Variants in CAND2 observed in about 807,000 individuals in gnomAD.
The protein encoded by CAND2 is cullin associated and neddylation dissociated 2 (putative), also known as cullin-associated NEDD8-dissociated protein 2.
CAND2 carries 62 observed loss-of-function variants against 98.9 expected under a neutral mutation model. That is an observed-to-expected ratio of 0.63 (90% CI 0.51 to 0.77). The LOEUF (loss-of-function observed/expected upper bound fraction) is 0.77. Among genes scored for constraint, CAND2 ranks in the 30% least tolerant of loss-of-function variants. The pLI is 0.00. For missense variants in CAND2, 1,501 were observed against 1,655.2 expected (o/e 0.91, Z 1.62); for synonymous variants, 770 against 731.9 (o/e 1.05, Z -0.84).
chr3:12,809,445 G>A (rs1339502896), intron 4 of CAND2, among the ~76,000 whole-genome samples: 2 of 151,988 alleles, frequency 1.3e-5, no homozygotes, highest in African/African-American at 4.8e-5. Context: ...AATAAGGGAG[G>A]GTAAGGTCAG....
At chr3:12,819,616 A>G (rs73813593) in intron 10 of CAND2, among the ~76,000 whole-genome samples, 2,510 of 152,324 alleles carry the variant, frequency 0.016, 66 homozygotes, top group African/African-American at 0.054. Flanking sequence ...CCAGCCAGGA[A>G]TTCTGGATCT....
rs1015131531 is a variant in CAND2 at position 12,827,529 on chromosome 3, C to G, written c.3300C>G (p.Ser1100Arg). 6.2e-7 allele frequency: 1 copy of G among 1,613,964 alleles called. No individual in the cohort carries two copies. ...AATGCATGTATTCACTGCTTGAGAG[C>G]TGCCTGGGCCAGCTGGATATCTGTG... Reference protein sequence around the residue: ...AFECMYSLLESCLGQLDICEF... With the variant: ...AFECMYSLLERCLGQLDICEF... The change falls in exon 13 of 15, where the codon AGC becomes AGG. Residue 1100 changes from serine (S) to arginine (R), a missense_variant. By Grantham distance (110) the Ser-to-Arg change is moderately radical. Around this residue, in one of 3 missense-constraint regions of CAND2, gnomAD observed 1,427 missense variants for 1,545.3 expected, o/e 0.92. Transcript: ENST00000456430.
chr3:12,806,771 G>C (rs926675894), intron 2 of CAND2, among the ~76,000 whole-genome samples: 2 of 152,210 alleles, frequency 1.3e-5, no homozygotes, highest in African/African-American at 2.4e-5. Context: ...TCTAGGGTAG[G>C]GTAAGGCCTG....
At chr3:12,831,208 G>A (rs185307167) in intron 13 of CAND2, among the ~76,000 whole-genome samples, 240 of 152,288 alleles carry the variant, frequency 1.6e-3, no homozygotes, top group African/African-American at 5.4e-3. Flanking sequence ...TGCCTGACTG[G>A]TGGGCATCTG....
At chr3:12,800,783 C>A (rs944289102) in intron 1 of CAND2, among the ~76,000 whole-genome samples, 5 of 152,100 alleles carry the variant, frequency 3.3e-5, no homozygotes, top group Admixed American at 6.6e-5. Flanking sequence ...AGTGCTGTGG[C>A]ACGATCTTGG....
At chr3:12,829,715 G>GT (rs2062038026) in intron 13 of CAND2, among the ~76,000 whole-genome samples, 1 of 152,214 alleles carries the variant, frequency 6.6e-6, no homozygotes, top group South Asian at 2.1e-4. Context: ...CAAGGTCAAT[G>GT]TGAGAGGTGG....
At chr3:12,831,436 A>T in intron 13 of CAND2, 29 bp from the exon 14 acceptor site, 1 of 1,584,328 alleles carries the variant, frequency 6.3e-7, no homozygotes, top group South Asian at 1.1e-5. Context: ...GCACCATTTC[A>T]CTAAGAACCA....
chr3:12,820,900 T>G (rs534263755), intron 11 of CAND2, among the ~76,000 whole-genome samples: 2 of 152,120 alleles, frequency 1.3e-5, no homozygotes, highest in East Asian at 3.9e-4. Context: ...ATTCCCTGGG[T>G]GTGTGAGTGT....
chr3:12,818,182 G>T (rs2061925054), intron 10 of CAND2, among the ~76,000 whole-genome samples: 1 of 145,462 alleles, frequency 6.9e-6, no homozygotes, highest in African/African-American at 2.8e-5. Flanking sequence ...CCAGCACTTT[G>T]GGGAGGCTGA....
intron 9 of CAND2, 27 bp from the exon 10 acceptor site, chr3:12,816,347 C>T (rs2061900878): frequency 5.0e-6 from 8 of 1,586,956 alleles, no homozygotes; most frequent in South Asian, 2.4e-5. Context: ...AGGCGGTGGC[C>T]TCATAACCTT....
chr3:12,810,954 ATAGAT>A (rs999842307), intron 5 of CAND2, among the ~76,000 whole-genome samples: 15 of 152,248 alleles, frequency 9.9e-5, no homozygotes, highest in African/African-American at 3.6e-4. Flanking sequence ...TTCTGTCACT[ATAGAT>A]TAGTTTTTTA....
intron 13 of CAND2, among the ~76,000 whole-genome samples, chr3:12,830,923 CTTCT>C (rs752919890): frequency 1.7e-4 from 26 of 152,182 alleles, no homozygotes; most frequent in Non-Finnish European, 3.1e-4. Context: ...GTGTGCAAGG[CTTCT>C]TTGTGAGGAC....
rs979227092 is a variant in CAND2, at chr3:12,820,102, G to A, written c.2961G>A (p.Arg987=). ...GTCCTGCAGGTCGGCCACACACCCG[G>A]AGCACCGTCATCACAGCGGTCAAGT... ...KQLAAGRPHT[R]STVITAVKFL... The change falls in exon 11 of 15, where the codon CGG becomes CGA. Residue 987 remains arginine, a synonymous_variant. Coordinates refer to ENST00000456430, the MANE Select transcript of CAND2 (RefSeq NM_001162499.2). The A allele has an allele frequency of 7.4e-6, 12 of 1,613,964 alleles. No individual in the cohort carries two copies. In the African/African-American group the frequency reaches 1.5e-4, roughly 20 times the overall value.
chr3:12,825,335 G>C, intron 11 of CAND2, 135 bp from the exon 12 acceptor site: 1 of 784,540 alleles, frequency 1.3e-6, no homozygotes. Flanking sequence ...GCACAAAGTA[G>C]ATGCTCACCA....
At chr3:12,818,088 A>T (rs2061924430) in intron 10 of CAND2, among the ~76,000 whole-genome samples, 3 of 152,210 alleles carry the variant, frequency 2.0e-5, no homozygotes, top group African/African-American at 7.2e-5. Flanking sequence ...GATAGAAGGG[A>T]CAGAGTCCTT....
At chr3:12,811,829 G>A (rs1456336190) in intron 5 of CAND2, among the ~76,000 whole-genome samples, 2 of 152,100 alleles carry the variant, frequency 1.3e-5, no homozygotes, top group African/African-American at 4.8e-5. Flanking sequence ...TGATCTGCCC[G>A]CCTCGGCCTC....
intron 13 of CAND2, 60 bp downstream of exon 13, chr3:12,827,664 A>AT: frequency 6.8e-7 from 1 of 1,464,942 alleles, no homozygotes; most frequent in Non-Finnish European, 9.3e-7. Context: ...GTCGGGCACC[A>AT]TTGGGGCCAT....
In CAND2 at chr3:12,833,943, C is replaced by T. The variant is rs751079503; in HGVS notation, c.3672C>T (p.Ser1224=). 3.1e-6 allele frequency: 5 copies of T among 1,614,092 alleles called. No individual in the cohort carries two copies. Among genetic ancestry groups the T allele is most frequent in the Non-Finnish European group, 4.2e-6 (5 of 1,180,046 alleles). The change falls in exon 15 of 15, where the codon TCC becomes TCT. Residue 1224 remains serine (S), a synonymous_variant. Coordinates refer to ENST00000456430, the MANE Select transcript of CAND2 (RefSeq NM_001162499.2). ...TCTTTGAAAGCATCCAGAAGGATTC[C>T]GCTTCAGCCCCCAGCACAGACTCAA... ...AALFESIQKD[S]ASAPSTDSME...
chr3:12,807,473 C>T lies in CAND2; in HGVS notation c.367+13C>T, dbSNP rs2061816055. 1.3e-6 allele frequency: 2 copies of T among 1,550,608 alleles called. No homozygotes were observed. The highest frequency in any genetic ancestry group is 1.7e-6 in the Non-Finnish European group (2 of 1,146,456). ...CCTGCAGCCACAGGTACCCAGGTCC[C>T]CAGGACTAGGTACTGTTAGTATTTG... On this transcript the variant is annotated intron_variant, in intron 3 of 14. Transcript: ENST00000456430.
Sources: gnomAD v4.1 joint callset for allele counts (sites outside exome capture counted in the v4.1 genomes callset) on GRCh38, gnomAD v4.1.1 for gene constraint, gnomAD v4.1.1 regional missense constraint, MANE v1.5 for transcripts, NCBI Gene and HGNC (gene_info 2026-07-23, HGNC 2026-07-21) for gene names.